HMMR: variants seen among roughly 807,000 people sequenced by gnomAD.
The protein encoded by HMMR is intracellular hyaluronic acid-binding protein.
Under a neutral mutation model 101.0 loss-of-function variants are expected in HMMR, and 108 were observed. The observed-to-expected ratio is 1.07, with a 90% CI of 0.92 to 1.25. The LOEUF is 1.25. Ranked by LOEUF, HMMR falls within the 50% of genes most tolerant of loss-of-function variation. The pLI, the probability that HMMR is intolerant of heterozygous loss-of-function variation, is 0.00. For missense variants in HMMR, 813 were observed against 788.7 expected (o/e 1.03, Z -0.37); for synonymous variants, 296 against 276.4 (o/e 1.07, Z -0.70).
chr5:163,463,410 T>A (rs1157816779), intron 1 of HMMR, among the ~76,000 whole-genome samples: 1 of 152,258 alleles, frequency 6.6e-6, no homozygotes, highest in East Asian at 1.9e-4. Context: ...TGTATTGATA[T>A]TAGCCAGAGA....
Position 163,462,898 on chromosome 5 carries a change from G to A in HMMR, c.47-958G>A, listed in dbSNP as rs201437610. On this transcript the variant is annotated intron_variant, in intron 1 of 17. Coordinates refer to ENST00000393915, the MANE Select transcript of HMMR (RefSeq NM_001142556.2). ...TTTGACAAACATTTAGGGGACAGCA[G>A]TAGTTGCCTGGGAATGGTCCAAGCT... Among the ~76,000 whole-genome samples the A allele has an allele frequency of 4.6e-5, 7 of 151,072 alleles. No homozygotes were observed. The East Asian group carries it at 1.4e-3, about 29-fold the overall frequency.
chr5:163,483,257 C>A lies in HMMR; in HGVS notation c.1686-11C>A. 1.3e-6 allele frequency: 2 copies of A among 1,598,372 alleles called. No homozygotes were observed. Among genetic ancestry groups the A allele is most frequent in the Non-Finnish European group, 1.7e-6 (2 of 1,169,482 alleles). The stretch of plus-strand genomic sequence containing the variant: ...TAACTATGTTTTTCTCAATTTAATT[C>A]TTCCATGCAGAAAAGCTGAAAAAGA... On this transcript the variant is annotated splice_polypyrimidine_tract_variant and intron_variant, in intron 14 of 17. Transcript: ENST00000393915.
chr5:163,475,401 A>G, intron 10 of HMMR, 57 bp from the exon 11 acceptor site: 3 of 956,868 alleles, frequency 3.1e-6, no homozygotes, highest in Non-Finnish European at 4.8e-6. Flanking sequence ...TTTGTCTCCT[A>G]GTACAACCTC....
In HMMR at chr5:163,469,628, T is replaced by C. The variant is rs1191283268; in HGVS notation, c.274-13T>C. On this transcript the variant is annotated splice_polypyrimidine_tract_variant and intron_variant, in intron 4 of 17. Coordinates refer to ENST00000393915, the MANE Select transcript of HMMR (RefSeq NM_001142556.2). The stretch of plus-strand genomic sequence containing the variant: ...ATCAGTGAATCATTTATTATCACCT[T>C]GTTTTTGTCCAGATTCGTGTTCTTC... The C allele has an allele frequency of 1.9e-6, 3 of 1,602,410 alleles. No individual in the cohort carries two copies. The highest frequency in any genetic ancestry group is 2.6e-6 in the Non-Finnish European group (3 of 1,175,502).
rs192613785 is a variant in HMMR, at chr5:163,479,651, A to G, written c.1385+851A>G. On this transcript the variant is annotated intron_variant, in intron 12 of 17. Transcript: ENST00000393915. ...GCGCTCCAGCCTGGGTGACAGAGCA[A>G]GACTGTCTCAAAAACAAACGAAAAA... Among the ~76,000 whole-genome samples the G allele has an allele frequency of 5.9e-3, 892 of 152,328 alleles. 12 individuals carry two copies. Among genetic ancestry groups the G allele is most frequent in the South Asian group, 0.035 (168 of 4,830 alleles).
chr5:163,465,601 G>C (rs913542370), intron 3 of HMMR, among the ~76,000 whole-genome samples: 1 of 152,110 alleles, frequency 6.6e-6, no homozygotes, highest in Admixed American at 6.5e-5. Flanking sequence ...GCCCACTTTG[G>C]CCTCCCAAAG....
Position 163,484,988 on chromosome 5 carries a change from A to G in HMMR, c.1962+743A>G, listed in dbSNP as rs554051951. ...TAGCCTAATAATTCATTATGTGGGT[A>G]TACCACATTTTATTTATTCGTTTGT... On this transcript the variant is annotated intron_variant, in intron 16 of 17. Transcript: ENST00000393915. Among the ~76,000 whole-genome samples, 3 of 152,296 alleles carry G rather than the reference A, an allele frequency of 2.0e-5. No homozygotes were observed. The South Asian group carries it at 6.2e-4, about 32-fold the overall frequency.
At chr5:163,483,732 C>G (rs907463215) in intron 15 of HMMR, among the ~76,000 whole-genome samples, 1 of 151,944 alleles carries the variant, frequency 6.6e-6, no homozygotes, top group African/African-American at 2.4e-5. Flanking sequence ...CTCATTGTTT[C>G]TCAATATACT....
Position 163,474,177 on chromosome 5 carries a change from A to G in HMMR, c.1025A>G (p.Gln342Arg). ...EREKLQQKEL[Q>R]IDSLLQQEKE... ...GAAAAGCTTCAACAAAAAGAATTACAAATTGATTCACTTCTGCAACAAGAG... is the reference window on the plus strand; with the variant it reads ...GAAAAGCTTCAACAAAAAGAATTACGAATTGATTCACTTCTGCAACAAGAG... The change falls in exon 10 of 18, where the codon CAA (glutamine) becomes CGA (arginine). Residue 342 changes from glutamine to arginine, a missense_variant. Transcript: ENST00000393915. The G allele has an allele frequency of 6.2e-7, 1 of 1,608,698 alleles. No homozygotes were observed. Among genetic ancestry groups the G allele is most frequent in the Non-Finnish European group, 8.5e-7 (1 of 1,177,740 alleles).
In HMMR at chr5:163,467,724, A is replaced by G; in HGVS notation, c.249A>G (p.Lys83=). Residue 83 remains lysine (K), a synonymous_variant, in exon 4 of 18, where the codon AAA becomes AAG. Transcript: ENST00000393915. ...AGAAGGAATCTCAAAAGAATGATAAAGATTTGAAGATATTAGAGAAAGAGG... is the reference window on the plus strand; with the variant it reads ...AGAAGGAATCTCAAAAGAATGATAAGGATTTGAAGATATTAGAGAAAGAGG... The part of the protein sequence containing the change: ...ESKKESQKND[K]DLKILEKEIR... 1 of 1,532,724 alleles carries G rather than the reference A, an allele frequency of 6.5e-7. No individual in the cohort carries two copies. Among genetic ancestry groups the G allele is most frequent in the South Asian group, 1.1e-5 (1 of 88,500 alleles). 94.9% of individuals were successfully genotyped at this position (1,532,724 alleles called of 1,614,324 possible).
At position 163,464,777 on chromosome 5, in the gene HMMR, G is replaced by A; in HGVS notation, c.200G>A (p.Arg67Lys). The stretch of plus-strand genomic sequence containing the variant: ...GATACTACCTTGCCTGCTTCAGCTA[G>A]AAAAGTTAAGTCTTCGGAATCAAAG... ...DKDTTLPASA[R>K]KVKSSESKKE... The change falls in exon 3 of 18, where the codon AGA becomes AAA. Residue 67 changes from arginine to lysine, a missense_variant. Physicochemically the swap from Arg to Lys is conservative, Grantham distance 26 (BLOSUM62 2). Coordinates refer to ENST00000393915, the MANE Select transcript of HMMR (RefSeq NM_001142556.2). 2 of 1,612,520 alleles carry A rather than the reference G, an allele frequency of 1.2e-6. No homozygotes were observed. The highest frequency in any genetic ancestry group is 1.7e-6 in the Non-Finnish European group (2 of 1,178,806).
intron 16 of HMMR, among the ~76,000 whole-genome samples, chr5:163,489,952 C>A (rs1348331386): frequency 6.6e-6 from 1 of 152,190 alleles, no homozygotes; most frequent in Non-Finnish European, 1.5e-5. Flanking sequence ...ACTGCAGACT[C>A]TCTTTTTCAC....
Position 163,490,371 on chromosome 5 carries a change from A to G in HMMR, c.1963-19A>G. 3 of 1,486,582 alleles carry G rather than the reference A, an allele frequency of 2.0e-6. No homozygotes were observed. Among genetic ancestry groups the G allele is most frequent in the South Asian group, 2.4e-5 (2 of 82,340 alleles). The allele number at this position is 1,486,582 out of a possible 1,614,324, so 92.1% of individuals were successfully genotyped here. A position where few individuals can be genotyped will look rare whatever the true frequency, so the allele number is the denominator to read the frequency against. On this transcript the variant is annotated intron_variant, in intron 16 of 17. Coordinates refer to ENST00000393915, the MANE Select transcript of HMMR (RefSeq NM_001142556.2). The stretch of plus-strand genomic sequence containing the variant: ...ACTCTTTAATAATTGTTTATTACCT[A>G]TTATTTCTTTTTACCTAGGAAGTAT...
intron 1 of HMMR, among the ~76,000 whole-genome samples, chr5:163,461,507 G>C (rs907427892): frequency 6.6e-6 from 1 of 152,098 alleles, no homozygotes; most frequent in Non-Finnish European, 1.5e-5. Flanking sequence ...TTAAGATGCT[G>C]TATGCGGCCG....
Position 163,476,795 on chromosome 5 carries a change from C to T in HMMR, c.1268+1123C>T, listed in dbSNP as rs900347074. Among the ~76,000 whole-genome samples the T allele has an allele frequency of 2.0e-5, 3 of 152,118 alleles. No individual in the cohort carries two copies. The East Asian group carries it at 5.8e-4, about 29-fold the overall frequency. On this transcript the variant is annotated intron_variant, in intron 11 of 17. Transcript: ENST00000393915. ...CTGTAATCCCACCACTTTGGGAAGC[C>T]AAGGCAGCGAGATCACAAGGTCAGG... is the stretch of plus-strand genomic sequence containing the variant.
rs112639812 is a variant in HMMR, at chr5:163,483,961, C to A, written c.1786-108C>A. 7.6e-4 allele frequency: 467 copies of A among 616,952 alleles called. 1 individual carries two copies. In the African/African-American group the frequency reaches 8.2e-3, roughly 11 times the overall value. The allele number at this position is 616,952 out of a possible 1,614,324, so 38.2% of individuals were successfully genotyped here. A position where few individuals can be genotyped will look rare whatever the true frequency, so the allele number is the denominator to read the frequency against. ...AGAGCCCTGAGAATATGTGAACATA[C>A]CTTGTTTTCATTTGTGTTTTTAATT... On this transcript the variant is annotated intron_variant, in intron 15 of 17. Coordinates refer to ENST00000393915, the MANE Select transcript of HMMR (RefSeq NM_001142556.2).
At chr5:163,475,883 TTTAAG>T (rs1476061022) in intron 11 of HMMR, among the ~76,000 whole-genome samples, 1 of 152,170 alleles carries the variant, frequency 6.6e-6, no homozygotes, top group Non-Finnish European at 1.5e-5. Flanking sequence ...AGCCCCCTCT[TTTAAG>T]TTAAAAGTTA....
At position 163,478,666 on chromosome 5, in the gene HMMR, A is replaced by T. The variant is rs373559402; in HGVS notation, c.1269-18A>T. On this transcript the variant is annotated intron_variant, in intron 11 of 17. Coordinates refer to ENST00000393915, the MANE Select transcript of HMMR (RefSeq NM_001142556.2). ...ATTGTAGGTGGCATTTTATCTTTCA[A>T]TTATTTCTTTTTCTTAGGAAGGAGG... The T allele has an allele frequency of 2.0e-6, 3 of 1,467,254 alleles. No homozygotes were observed. The highest frequency in any genetic ancestry group is 2.3e-5 in the East Asian group (1 of 44,126). The allele number at this position is 1,467,254 out of a possible 1,614,324, so 90.9% of individuals were successfully genotyped here.
chr5:163,481,023 G>C (rs1443805286), intron 12 of HMMR, among the ~76,000 whole-genome samples: 2 of 151,988 alleles, frequency 1.3e-5, no homozygotes, highest in Admixed American at 1.3e-4. Context: ...TATTCAACCA[G>C]TTTTCTTCTA....
Sources: allele counts gnomAD v4.1 joint callset (sites outside exome capture counted in the v4.1 genomes callset), GRCh38; gene constraint gnomAD v4.1.1; transcripts MANE v1.5; gene names NCBI Gene and HGNC (gene_info 2026-07-23, HGNC 2026-07-21).